The following BPIFC variants were observed in gnomAD, a reference collection of about 807,000 sequenced individuals.
BPIFC encodes the protein BPI fold containing family C, also known as BPI fold-containing family C protein.
Under a neutral mutation model 57.6 loss-of-function variants are expected in BPIFC, and 60 were observed. The observed-to-expected ratio is 1.04, with a 90% CI of 0.85 to 1.29. The LOEUF (loss-of-function observed/expected upper bound fraction) is 1.29. BPIFC is among the 50% of genes most tolerant of loss of function. The pLI is 0.00. For synonymous variants in BPIFC, 243 were observed against 224.5 expected, an observed-to-expected ratio of 1.08 and a Z score of -0.74; for missense variants, 581 against 600.5, an observed-to-expected ratio of 0.97 and a Z score of 0.34.
chr22:32,443,409 C>T (rs2413118), intron 7 of BPIFC, among the ~76,000 whole-genome samples: 37,830 of 152,008 alleles, frequency 0.25, 4,836 homozygotes, highest in Middle Eastern at 0.3. Context: ...GTGATTCACC[C>T]GCCTCGGCCT....
chr22:32,440,991 C>A (rs912756791), intron 8 of BPIFC, among the ~76,000 whole-genome samples: 1 of 152,066 alleles, frequency 6.6e-6, no homozygotes, highest in African/African-American at 2.4e-5. Context: ...CAAAGGCATC[C>A]CATCTTAGAT....
chr22:32,424,642 C>CCCT lies in BPIFC; in HGVS notation c.1218-5239_1218-5238insAGG, dbSNP rs1556036524. On this transcript the variant is annotated intron_variant, in intron 13 of 16. Coordinates refer to ENST00000300399, the MANE Select transcript of BPIFC (RefSeq NM_174932.3). ...TCCTCCTCCTCCTCTTCTTCTTCTT[C>CCCT]TCTTCTTCTTCTTCTTCTTCTTCTT... Among the ~76,000 whole-genome samples the CCCT allele has an allele frequency of 4.5e-4, 13 of 28,766 alleles. 3 individuals carry two copies. Among genetic ancestry groups the CCCT allele is most frequent in the Admixed American group, 2.3e-3 (6 of 2,642 alleles). The allele number at this position is 28,766 out of a possible 152,430, so 18.9% of individuals were successfully genotyped here. A position where few individuals can be genotyped will look rare whatever the true frequency, so the allele number is the denominator to read the frequency against.
intron 3 of BPIFC, among the ~76,000 whole-genome samples, chr22:32,453,940 AAC>A (rs1214607221): frequency 3.3e-5 from 4 of 122,360 alleles, no homozygotes; most frequent in South Asian, 3.0e-4. Flanking sequence ...CAACAACAAC[AAC>A]AAAAAAAAAA....
intron 3 of BPIFC, among the ~76,000 whole-genome samples, chr22:32,456,422 T>G (rs897222837): frequency 1.5e-5 from 2 of 135,516 alleles, no homozygotes; most frequent in African/African-American, 5.3e-5. Context: ...CCTCCCTCAA[T>G]CCTTCTTTCT....
Position 32,451,886 on chromosome 22 carries a change from T to C in BPIFC, c.245+1497A>G, listed in dbSNP as rs143196521. ...CTGGACTTTAAGGGCAGGTATGTTG[T>C]TCACTACAATATCCCCTATTGCTTT... On this transcript the variant is annotated intron_variant, in intron 4 of 16. Transcript: ENST00000300399. 9.9e-5 allele frequency among the ~76,000 whole-genome samples: 15 copies of C among 152,238 alleles called. No homozygotes were observed. In the East Asian group the frequency reaches 2.9e-3, roughly 29 times the overall value.
At chr22:32,446,746 C>T (rs918272295) in intron 5 of BPIFC, 2 of 985,254 alleles carry the variant, frequency 2.0e-6, no homozygotes, top group African/African-American at 3.5e-5. Context: ...ATCTGATTTC[C>T]TCCTTCTACA....
At chr22:32,424,494 C>G (rs749882112) in intron 13 of BPIFC, among the ~76,000 whole-genome samples, 2 of 151,640 alleles carry the variant, frequency 1.3e-5, no homozygotes, top group African/African-American at 4.9e-5. Context: ...TTCAACTTAG[C>G]GTGACTCCAT....
chr22:32,450,781 T>C (rs1201297884), intron 4 of BPIFC, among the ~76,000 whole-genome samples: 1 of 152,110 alleles, frequency 6.6e-6, no homozygotes, highest in Non-Finnish European at 1.5e-5. Flanking sequence ...ATTTTGGATT[T>C]TTGGATTAGG....
intron 5 of BPIFC, among the ~76,000 whole-genome samples, 170 bp from the exon 6 acceptor site, chr22:32,446,166 T>C (rs554070035): frequency 1.3e-5 from 2 of 152,336 alleles, no homozygotes; most frequent in East Asian, 3.9e-4. Context: ...GCTGATTGAA[T>C]ATTCCCAGAA....
intron 2 of BPIFC, among the ~76,000 whole-genome samples, chr22:32,459,896 ATG>A (rs1935128305): frequency 6.6e-6 from 1 of 151,982 alleles, no homozygotes; most frequent in Non-Finnish European, 1.5e-5. Flanking sequence ...TGTGAGAGCC[ATG>A]TGTTTAGATA....
intron 7 of BPIFC, among the ~76,000 whole-genome samples, chr22:32,443,163 T>A (rs74279751): frequency 3.3e-4 from 39 of 119,562 alleles, no homozygotes; most frequent in East Asian, 2.2e-3. Context: ...GAGCTGGAGC[T>A]TTTTTTTTTT....
chr22:32,433,642 G>A (rs1446655283), intron 11 of BPIFC, 77 bp downstream of exon 11: 25 of 1,313,930 alleles, frequency 1.9e-5, no homozygotes, highest in South Asian at 2.4e-5. Context: ...AAAGGAATAC[G>A]TAGAACCCAC....
chr22:32,458,374 C>T (rs769398837), intron 2 of BPIFC, among the ~76,000 whole-genome samples: 1 of 152,196 alleles, frequency 6.6e-6, no homozygotes, highest in Non-Finnish European at 1.5e-5. Context: ...ACTCAAATGT[C>T]GTCTCAGCAA....
intron 4 of BPIFC, among the ~76,000 whole-genome samples, chr22:32,447,607 CTT>C (rs11375413): frequency 2.3e-4 from 31 of 132,752 alleles, no homozygotes; most frequent in Non-Finnish European, 2.7e-4. Context: ...CTCTCGCTCT[CTT>C]TTTTTTTTTT....
At chr22:32,445,808 C>A (rs377259912) in intron 6 of BPIFC, 33 bp downstream of exon 6, 2 of 1,575,536 alleles carry the variant, frequency 1.3e-6, no homozygotes, top group African/African-American at 2.7e-5. Flanking sequence ...CAGCCCCTAA[C>A]TAGCCACTGC....
chr22:32,462,185 A>G (rs1395124518), intron 1 of BPIFC, among the ~76,000 whole-genome samples: 30 of 144,580 alleles, frequency 2.1e-4, no homozygotes, highest in Admixed American at 1.2e-3. Context: ...AAAAAAAAAA[A>G]AAAAAGAAAA....
chr22:32,414,938 G>C (rs761549884), intron 16 of BPIFC, among the ~76,000 whole-genome samples: 1 of 152,214 alleles, frequency 6.6e-6, no homozygotes, highest in Non-Finnish European at 1.5e-5. Context: ...TAGAAGCAGT[G>C]GGGGAGAAGC....
At chr22:32,448,226 A>G (rs1336066360) in intron 4 of BPIFC, among the ~76,000 whole-genome samples, 3 of 151,606 alleles carry the variant, frequency 2.0e-5, no homozygotes, top group Non-Finnish European at 2.9e-5. Context: ...ATGCCACCAC[A>G]CCTGGATAAT....
chr22:32,417,988 C>G (rs16990430), intron 14 of BPIFC, among the ~76,000 whole-genome samples: 13,154 of 152,056 alleles, frequency 0.087, 971 homozygotes, highest in East Asian at 0.45. Flanking sequence ...GCAGTTGGGA[C>G]CTCAGAGTTT....
Sources: gnomAD v4.1 joint callset for allele counts (sites outside exome capture counted in the v4.1 genomes callset) on GRCh38, gnomAD v4.1.1 for gene constraint, MANE v1.5 for transcripts, NCBI Gene and HGNC (gene_info 2026-07-23, HGNC 2026-07-21) for gene names.